The following ASXL2 variants were observed in gnomAD, a reference collection of about 807,000 sequenced individuals.
ASXL2 encodes ASXL transcriptional regulator 2.
A neutral mutation model predicts 122.0 loss-of-function variants in ASXL2; 23 were observed. The observed-to-expected ratio is 0.19, with a 90% CI of 0.14 to 0.27. ASXL2 has a LOEUF of 0.27. ASXL2 is among the 10% of genes least tolerant of loss of function. The pLI, the probability that ASXL2 is intolerant of heterozygous loss-of-function variation, is 1.00. For missense variants in ASXL2, 1,518 were observed against 1,713.8 expected (o/e 0.89, Z 2.02); for synonymous variants, 650 against 637.0 (o/e 1.02, Z -0.31).
At chr2:25,781,670 C>CT (rs34167762) in intron 5 of ASXL2, among the ~76,000 whole-genome samples, 6,374 of 121,680 alleles carry the variant, frequency 0.052, 324 homozygotes, top group African/African-American at 0.094. Flanking sequence ...ACACACCTGG[C>CT]TTTTTTTTTT....
chr2:25,815,008 G>C (rs1043270094), intron 3 of ASXL2, among the ~76,000 whole-genome samples: 4 of 152,162 alleles, frequency 2.6e-5, no homozygotes, highest in Admixed American at 1.3e-4. Context: ...ATATGTCACA[G>C]AGTCAAGATT....
intron 5 of ASXL2, among the ~76,000 whole-genome samples, chr2:25,781,072 AAAAAG>A (rs1486385886): frequency 6.6e-6 from 1 of 151,970 alleles, no homozygotes. Flanking sequence ...AAAAAAAAAA[AAAAAG>A]AAAAGAAATT....
chr2:25,769,707 G>C (rs1355776797), intron 6 of ASXL2, among the ~76,000 whole-genome samples: 2 of 151,456 alleles, frequency 1.3e-5, no homozygotes, highest in Non-Finnish European at 2.9e-5. Flanking sequence ...GTAATTTCAG[G>C]AAAAAAACTG....
intron 1 of ASXL2, among the ~76,000 whole-genome samples, chr2:25,873,571 A>C (rs1338750695): frequency 6.6e-6 from 1 of 152,126 alleles, no homozygotes; most frequent in Non-Finnish European, 1.5e-5. Context: ...AAGTGACAAA[A>C]GTTTTAAGTG....
intron 1 of ASXL2, among the ~76,000 whole-genome samples, chr2:25,847,715 T>A (rs755339374): frequency 1.3e-5 from 2 of 152,198 alleles, no homozygotes; most frequent in Non-Finnish European, 2.9e-5. Context: ...AAAGGGTTAA[T>A]ATAACTGGAT....
At chr2:25,824,760 G>T (rs2089356163) in intron 3 of ASXL2, among the ~76,000 whole-genome samples, 2 of 152,074 alleles carry the variant, frequency 1.3e-5, no homozygotes, top group Admixed American at 1.3e-4. Flanking sequence ...TTTAAAAAGA[G>T]ATCTCTTCCC....
intron 5 of ASXL2, among the ~76,000 whole-genome samples, chr2:25,785,464 ATT>A (rs2149164116): frequency 6.6e-6 from 1 of 152,014 alleles, no homozygotes; most frequent in Non-Finnish European, 1.5e-5. Flanking sequence ...ACCTCAAGTG[ATT>A]GGCCCACCTC....
chr2:25,845,350 T>C lies in ASXL2; in HGVS notation c.140+131A>G. ...GTAATGACTTAAAAAATGCCAAAGATCTGACATCTGATCAGAACAAAGCAT... is the reference window on the plus strand; with the variant it reads ...GTAATGACTTAAAAAATGCCAAAGACCTGACATCTGATCAGAACAAAGCAT... On this transcript the variant is annotated intron_variant, in intron 2 of 12. Coordinates refer to ENST00000435504, the MANE Select transcript of ASXL2 (RefSeq NM_018263.6). The C allele has an allele frequency of 2.9e-6, 4 of 1,377,354 alleles. No individual in the cohort carries two copies. The South Asian group carries it at 3.7e-5, about 13-fold the overall frequency. The allele number at this position is 1,377,354 out of a possible 1,614,324, so 85.3% of individuals were successfully genotyped here. A position where few individuals can be genotyped will look rare whatever the true frequency, so the allele number is the denominator to read the frequency against.
chr2:25,854,545 A>G (rs565532667), intron 1 of ASXL2, among the ~76,000 whole-genome samples: 2 of 152,260 alleles, frequency 1.3e-5, no homozygotes, highest in Admixed American at 6.5e-5. Context: ...TTCCTCAAAA[A>G]GAAGAGCCAA....
At chr2:25,844,551 G>A (rs762181855) in intron 2 of ASXL2, among the ~76,000 whole-genome samples, 1 of 151,426 alleles carries the variant, frequency 6.6e-6, no homozygotes, top group Non-Finnish European at 1.5e-5. Context: ...ACTCCAGCCT[G>A]GGTGACAAAG....
intron 5 of ASXL2, among the ~76,000 whole-genome samples, chr2:25,778,557 A>G (rs547193348): frequency 5.6e-4 from 86 of 152,334 alleles, no homozygotes; most frequent in Middle Eastern, 6.8e-3. Context: ...CCTAAAACCA[A>G]TAAGTTCTCA....
chr2:25,833,419 G>A (rs2089476411), intron 3 of ASXL2, among the ~76,000 whole-genome samples: 1 of 152,166 alleles, frequency 6.6e-6, no homozygotes, highest in African/African-American at 2.4e-5. Context: ...TTTTGGCTGG[G>A]CATGGTGGCT....
intron 3 of ASXL2, among the ~76,000 whole-genome samples, chr2:25,818,007 G>A (rs1275819363): frequency 6.6e-6 from 1 of 152,154 alleles, no homozygotes; most frequent in Non-Finnish European, 1.5e-5. Context: ...ATTTTTAGGG[G>A]AAAAATTAGC....
At chr2:25,793,321 G>A (rs547788790) in intron 5 of ASXL2, among the ~76,000 whole-genome samples, 9 of 152,180 alleles carry the variant, frequency 5.9e-5, no homozygotes, top group African/African-American at 2.2e-4. Context: ...GTAGCTTCTC[G>A]TTGCTGGATA....
intron 5 of ASXL2, among the ~76,000 whole-genome samples, chr2:25,775,719 CT>C (rs1166113340): frequency 6.6e-6 from 1 of 152,142 alleles, no homozygotes; most frequent in Non-Finnish European, 1.5e-5. Context: ...TCAACTAAAC[CT>C]TTTTCCTTTA....
In ASXL2 at chr2:25,767,552, T is replaced by G. The variant is rs976619416; in HGVS notation, c.775+31A>C. The stretch of plus-strand genomic sequence containing the variant: ...ACATGTAGCTGATAAATCATGGCAA[T>G]GAAAACTGAAGTCTTTGTAAGCAAA... On this transcript the variant is annotated intron_variant, in intron 8 of 12. Coordinates refer to ENST00000435504, the MANE Select transcript of ASXL2 (RefSeq NM_018263.6). 10 of 1,598,228 alleles carry G rather than the reference T, an allele frequency of 6.3e-6. No individual in the cohort carries two copies. The African/African-American group carries it at 1.3e-4, about 22-fold the overall frequency.
rs192839076 is a variant in ASXL2, at chr2:25,872,731, T to C, written c.57+5435A>G. On this transcript the variant is annotated intron_variant, in intron 1 of 12. Coordinates refer to ENST00000435504, the MANE Select transcript of ASXL2 (RefSeq NM_018263.6). ...CAAATAAATTTGAGAATCTCTATTA[T>C]ATGGATAACTGTTAATGAAAACAGT... is the stretch of plus-strand genomic sequence containing the variant. Among the ~76,000 whole-genome samples the C allele has an allele frequency of 2.5e-3, 385 of 152,324 alleles. 1 individual carries two copies. Among genetic ancestry groups the C allele is most frequent in the African/African-American group, 8.9e-3 (371 of 41,582 alleles).
At chr2:25,770,057 G>A (rs2088419489) in intron 6 of ASXL2, among the ~76,000 whole-genome samples, 1 of 152,210 alleles carries the variant, frequency 6.6e-6, no homozygotes, top group South Asian at 2.1e-4. Context: ...AATTAGATCA[G>A]AAGATGTTCA....
At chr2:25,813,807 T>C (rs1394713305) in intron 3 of ASXL2, among the ~76,000 whole-genome samples, 1 of 152,182 alleles carries the variant, frequency 6.6e-6, no homozygotes, top group Non-Finnish European at 1.5e-5. Flanking sequence ...TCCCAGCACT[T>C]TGGGAGGCCA....
Sources: gnomAD v4.1 joint callset for allele counts (sites outside exome capture counted in the v4.1 genomes callset) on GRCh38, gnomAD v4.1.1 for gene constraint, MANE v1.5 for transcripts, NCBI Gene and HGNC (gene_info 2026-07-23, HGNC 2026-07-21) for gene names.